Variants in PDILT observed in about 807,000 individuals in gnomAD.
PDILT encodes protein disulfide-isomerase-like protein of the testis.
A neutral mutation model predicts 53.7 loss-of-function variants in PDILT; 43 were observed. That is an observed-to-expected ratio of 0.80 (90% CI 0.63 to 1.03). The LOEUF (loss-of-function observed/expected upper bound fraction) is 1.03, where lower values mean the gene tolerates loss of function less well. Ranked by LOEUF, PDILT falls within the 50% of genes least tolerant of loss-of-function variation. The pLI is 0.00. For synonymous variants in PDILT, 282 were observed against 274.2 expected (o/e 1.03, Z -0.28); for missense variants, 727 against 712.3 (o/e 1.02, Z -0.24).
intron 1 of PDILT, among the ~76,000 whole-genome samples, chr16:20,403,160 C>T (rs1966765491): frequency 6.6e-6 from 1 of 152,198 alleles, no homozygotes; most frequent in African/African-American, 2.4e-5. Context: ...GTGGAGAGAC[C>T]CCATGTCCCA....
At chr16:20,383,933 G>A (rs1308280994) in intron 3 of PDILT, among the ~76,000 whole-genome samples, 1 of 152,110 alleles carries the variant, frequency 6.6e-6, no homozygotes, top group African/African-American at 2.4e-5. Flanking sequence ...ATCAAGATAG[G>A]GCTTGGCACA....
rs11648131 is a variant in PDILT at position 20,362,484 on chromosome 16, C to T, written c.1336G>A (p.Asp446Asn). 7.9e-3 allele frequency: 12,801 copies of T among 1,614,112 alleles called. 347 individuals are homozygous for T. Among genetic ancestry groups the T allele is most frequent in the South Asian group, 0.072 (6,563 of 91,070 alleles). Residue 446 changes from aspartate (D) to asparagine (N), a missense_variant, in exon 10 of 12, where the codon GAT becomes AAT. By Grantham distance (23) the Asp-to-Asn change is conservative. Transcript: ENST00000302451. ...NHSTIIIAKI[D>N]VTANDIQLMY... ...AGCTGAATGTCATTTGCTGTGACAT[C>T]GATCTTGGCAATGATAATTGTGGAG...
intron 3 of PDILT, among the ~76,000 whole-genome samples, chr16:20,380,582 C>T (rs1326120574): frequency 1.3e-5 from 2 of 152,188 alleles, no homozygotes; most frequent in East Asian, 1.9e-4. Flanking sequence ...GTGATCCACT[C>T]GCCTTGGCCT....
At chr16:20,369,375 A>G (rs927280753) in intron 8 of PDILT, 117 bp downstream of exon 8, 15 of 1,194,990 alleles carry the variant, frequency 1.3e-5, no homozygotes, top group African/African-American at 7.6e-5. Flanking sequence ...TTGAGCCACA[A>G]AGTTGATCTT....
intron 5 of PDILT, 150 bp downstream of exon 5, chr16:20,374,672 C>A: frequency 1.2e-6 from 1 of 836,906 alleles, no homozygotes; most frequent in Non-Finnish European, 1.8e-6. Context: ...AAGGTTGGAG[C>A]AACACTGGGA....
intron 10 of PDILT, 44 bp from the exon 11 acceptor site, chr16:20,360,701 G>T: frequency 2.1e-6 from 3 of 1,411,180 alleles, no homozygotes; most frequent in Non-Finnish European, 3.0e-6. Context: ...TCCTCTTCCC[G>T]CAGAGATGCT....
intron 1 of PDILT, among the ~76,000 whole-genome samples, chr16:20,399,960 T>TCTTAGA (rs1966708480): frequency 6.6e-6 from 1 of 152,066 alleles, no homozygotes; most frequent in East Asian, 1.9e-4. Context: ...AAGTATGGAA[T>TCTTAGA]GAATCCTTAC....
chr16:20,403,657 C>CA (rs10714451), intron 1 of PDILT, among the ~76,000 whole-genome samples: 2 of 151,358 alleles, frequency 1.3e-5, no homozygotes, highest in South Asian at 2.1e-4. Context: ...CACTTTTGTG[C>CA]AAAAAAAAGC....
At chr16:20,375,821 G>A (rs1966378100) in intron 4 of PDILT, among the ~76,000 whole-genome samples, 1 of 151,548 alleles carries the variant, frequency 6.6e-6, no homozygotes, top group African/African-American at 2.4e-5. Flanking sequence ...CTTTTATTAA[G>A]TGATGTTCTA....
chr16:20,387,039 G>C (rs1239053430), intron 2 of PDILT, among the ~76,000 whole-genome samples: 1 of 152,178 alleles, frequency 6.6e-6, no homozygotes, highest in Non-Finnish European at 1.5e-5. Flanking sequence ...TATGATAATA[G>C]TAATGGAGAT....
chr16:20,361,860 A>G (rs916423730), intron 10 of PDILT, among the ~76,000 whole-genome samples: 6 of 152,146 alleles, frequency 3.9e-5, no homozygotes, highest in African/African-American at 1.4e-4. Flanking sequence ...GCATTCATCC[A>G]TACTCTTCTA....
intron 3 of PDILT, among the ~76,000 whole-genome samples, chr16:20,381,274 A>G (rs1319748698): frequency 6.6e-6 from 1 of 152,174 alleles, no homozygotes; most frequent in Non-Finnish European, 1.5e-5. Flanking sequence ...TGCGTAAAGC[A>G]CTGTCTCCTC....
At chr16:20,380,058 A>T (rs1270103370) in intron 3 of PDILT, among the ~76,000 whole-genome samples, 1 of 152,228 alleles carries the variant, frequency 6.6e-6, no homozygotes, top group Non-Finnish European at 1.5e-5. Flanking sequence ...ATCCAAAAAC[A>T]AAACCTGCCA....
At chr16:20,379,915 G>T (rs9922672) in intron 3 of PDILT, among the ~76,000 whole-genome samples, 20,263 of 152,110 alleles carry the variant, frequency 0.13, 1,682 homozygotes, top group African/African-American at 0.23. Flanking sequence ...CTGAGTTTCT[G>T]TACAGTGTTT....
At chr16:20,390,000 C>T (rs1383800897) in intron 2 of PDILT, among the ~76,000 whole-genome samples, 2 of 152,064 alleles carry the variant, frequency 1.3e-5, no homozygotes, top group Non-Finnish European at 2.9e-5. Flanking sequence ...TCAGGACAGC[C>T]CCCAGCCCCA....
chr16:20,384,073 A>G (rs936225181), intron 3 of PDILT, among the ~76,000 whole-genome samples: 11 of 152,114 alleles, frequency 7.2e-5, no homozygotes, highest in African/African-American at 2.7e-4. Flanking sequence ...ATCATCTCCC[A>G]ATTTCCCTTT....
At chr16:20,376,678 C>A (rs546400312) in intron 3 of PDILT, among the ~76,000 whole-genome samples, 5 of 152,298 alleles carry the variant, frequency 3.3e-5, no homozygotes, top group African/African-American at 9.6e-5. Flanking sequence ...AGCTCTGTAA[C>A]CTTGGGAAAA....
In PDILT at chr16:20,376,201, C is replaced by T. The variant is rs1966385997; in HGVS notation, c.410G>A (p.Gly137Glu). 6.2e-7 allele frequency: 1 copy of T among 1,614,100 alleles called. No individual in the cohort carries two copies. The highest frequency in any genetic ancestry group is 8.5e-7 in the Non-Finnish European group (1 of 1,180,006). ...GNRSEPISCK[G>E]VVESAALVVW... ...GACTAAGGCAGCAGATTCAACCACT[C>T]CTGGAGAAAGACACAGTCAAATAGA... Residue 137 changes from glycine to glutamate, a missense_variant and splice_region_variant, in exon 4 of 12, where the codon GGA (glycine) becomes GAA (glutamate). Coordinates refer to ENST00000302451, the MANE Select transcript of PDILT (RefSeq NM_174924.2).
At chr16:20,389,934 T>A (rs545588581) in intron 2 of PDILT, among the ~76,000 whole-genome samples, 4 of 152,236 alleles carry the variant, frequency 2.6e-5, no homozygotes, top group African/African-American at 9.6e-5. Flanking sequence ...GAAAAAGAGA[T>A]GCTACTGGCA....
Sources: allele counts gnomAD v4.1 joint callset (sites outside exome capture counted in the v4.1 genomes callset), GRCh38; gene constraint gnomAD v4.1.1; transcripts MANE v1.5; gene names NCBI Gene and HGNC (gene_info 2026-07-23, HGNC 2026-07-21).